RBPMS: variants seen among roughly 807,000 people sequenced by gnomAD.
RBPMS encodes RNA-binding protein with multiple splicing.
Under a neutral mutation model 26.8 loss-of-function variants are expected in RBPMS, and 7 were observed. The ratio of observed to expected loss-of-function variants is 0.26; its 90% confidence interval spans 0.15 to 0.49. RBPMS has a LOEUF of 0.49. RBPMS is among the 20% of genes least tolerant of loss of function. The pLI is 0.98. For synonymous variants in RBPMS, 96 were observed against 93.3 expected, an observed-to-expected ratio of 1.03 and a Z score of -0.17; for missense variants, 186 against 250.0, an observed-to-expected ratio of 0.74 and a Z score of 1.73.
intron 8 of RBPMS, among the ~76,000 whole-genome samples, chr8:30,570,200 T>C (rs1828175179): frequency 6.6e-6 from 1 of 152,210 alleles, no homozygotes; most frequent in African/African-American, 2.4e-5. Flanking sequence ...GACATTTAAA[T>C]AGGTTATCAA....
intron 5 of RBPMS, among the ~76,000 whole-genome samples, chr8:30,538,820 C>CA (rs1294661419): frequency 6.6e-6 from 1 of 152,126 alleles, no homozygotes; most frequent in African/African-American, 2.4e-5. Flanking sequence ...ATTCCTAAAT[C>CA]AATCTGCAAA....
intron 4 of RBPMS, among the ~76,000 whole-genome samples, chr8:30,486,085 G>A (rs190912880): frequency 2.0e-5 from 3 of 152,148 alleles, no homozygotes; most frequent in South Asian, 2.1e-4. Flanking sequence ...AGTGGCTCAC[G>A]ACTGTAAGCC....
chr8:30,484,206 C>A (rs1818556161), intron 4 of RBPMS, among the ~76,000 whole-genome samples: 1 of 152,078 alleles, frequency 6.6e-6, no homozygotes, highest in South Asian at 2.1e-4. Flanking sequence ...AAAACTTGTT[C>A]CTGTTTGTAA....
At chr8:30,521,151 G>A (rs1201612616) in intron 5 of RBPMS, among the ~76,000 whole-genome samples, 1 of 152,214 alleles carries the variant, frequency 6.6e-6, no homozygotes, top group Non-Finnish European at 1.5e-5. Context: ...TAGCTTTATA[G>A]TAGTGTGCCA....
chr8:30,569,121 C>T (rs1316259972), intron 8 of RBPMS, among the ~76,000 whole-genome samples: 1 of 152,202 alleles, frequency 6.6e-6, no homozygotes, highest in African/African-American at 2.4e-5. Context: ...GCTCAGGGTG[C>T]CCCTGGGCTG....
chr8:30,501,404 C>T (rs773795452), intron 4 of RBPMS, among the ~76,000 whole-genome samples: 6 of 151,720 alleles, frequency 4.0e-5, no homozygotes, highest in Admixed American at 2.6e-4. Flanking sequence ...ATGAAACTGC[C>T]CTGGTATACT....
intron 1 of RBPMS, among the ~76,000 whole-genome samples, chr8:30,420,071 C>A (rs1810577000): frequency 6.6e-6 from 1 of 151,790 alleles, no homozygotes. Context: ...CAAAAGAAAC[C>A]CAAAGAATTA....
At chr8:30,556,021 C>T (rs1826873547) in intron 6 of RBPMS, 1 of 985,324 alleles carries the variant, frequency 1.0e-6, no homozygotes, top group Non-Finnish European at 1.2e-6. Flanking sequence ...GGGGGCACTG[C>T]CCTCTGCTGG....
intron 4 of RBPMS, among the ~76,000 whole-genome samples, chr8:30,500,789 G>A (rs1820479296): frequency 6.6e-6 from 1 of 152,102 alleles, no homozygotes; most frequent in South Asian, 2.1e-4. Context: ...AGGAATAAGG[G>A]CACAGAACAC....
chr8:30,526,072 A>G (rs1345160400), intron 5 of RBPMS, among the ~76,000 whole-genome samples: 1 of 152,216 alleles, frequency 6.6e-6, no homozygotes, highest in African/African-American at 2.4e-5. Context: ...AAATGAGAAG[A>G]GCTTCACTTC....
At chr8:30,519,457 TC>T (rs1822780422) in intron 5 of RBPMS, among the ~76,000 whole-genome samples, 1 of 109,946 alleles carries the variant, frequency 9.1e-6, no homozygotes, top group African/African-American at 3.9e-5. Context: ...AGGATCTCTC[TC>T]TTTTTTTTTT....
At chr8:30,449,443 T>C (rs367846554) in intron 1 of RBPMS, among the ~76,000 whole-genome samples, 1 of 145,920 alleles carries the variant, frequency 6.9e-6, no homozygotes, top group Non-Finnish European at 1.5e-5. Context: ...CGATTTCAGC[T>C]CACTGCAACC....
At chr8:30,441,742 CTGATT>C (rs994286326) in intron 1 of RBPMS, among the ~76,000 whole-genome samples, 3 of 152,140 alleles carry the variant, frequency 2.0e-5, no homozygotes, top group Admixed American at 6.5e-5. Flanking sequence ...AAGGAATGTT[CTGATT>C]TATCTGCCAT....
intron 7 of RBPMS, among the ~76,000 whole-genome samples, chr8:30,562,927 T>G (rs1019870233): frequency 1.3e-5 from 2 of 152,216 alleles, no homozygotes; most frequent in African/African-American, 4.8e-5. Context: ...AGACTAGATA[T>G]GTAAATAAGA....
At chr8:30,535,628 T>G (rs1246525803) in intron 5 of RBPMS, among the ~76,000 whole-genome samples, 1 of 152,222 alleles carries the variant, frequency 6.6e-6, no homozygotes, top group Non-Finnish European at 1.5e-5. Context: ...GGTGTCACTA[T>G]GTTTGCCTAG....
chr8:30,408,885 T>A (rs1046057495), intron 1 of RBPMS, among the ~76,000 whole-genome samples: 2 of 152,196 alleles, frequency 1.3e-5, no homozygotes, highest in Admixed American at 6.5e-5. Context: ...CCAAAGCAAC[T>A]GCTGATCTGC....
intron 5 of RBPMS, among the ~76,000 whole-genome samples, chr8:30,523,305 A>G (rs1351143435): frequency 6.6e-6 from 1 of 150,996 alleles, no homozygotes; most frequent in African/African-American, 2.4e-5. Flanking sequence ...TGAACCCGAG[A>G]GGCGGAGGTT....
chr8:30,508,742 G>A (rs1476694035), intron 5 of RBPMS, among the ~76,000 whole-genome samples: 2 of 151,788 alleles, frequency 1.3e-5, no homozygotes, highest in Non-Finnish European at 2.9e-5. Context: ...TAAACTTACA[G>A]TGTTACTGAG....
At chr8:30,479,257 C>T (rs963819522) in intron 3 of RBPMS, 58 bp from the exon 4 acceptor site, 4 of 1,281,848 alleles carry the variant, frequency 3.1e-6, no homozygotes, top group Non-Finnish European at 4.5e-6. Context: ...CACCCTTGAC[C>T]TAGAAAAGTA....
Sources: gnomAD v4.1 joint callset for allele counts (sites outside exome capture counted in the v4.1 genomes callset) on GRCh38, gnomAD v4.1.1 for gene constraint, MANE v1.5 for transcripts, NCBI Gene and HGNC (gene_info 2026-07-23, HGNC 2026-07-21) for gene names.